SH3KBP1: variants seen among roughly 807,000 people sequenced by gnomAD.
SH3KBP1 encodes SH3 domain containing kinase binding protein 1, also known as SH3 domain-containing kinase-binding protein 1.
Under a neutral mutation model 50.1 loss-of-function variants are expected in SH3KBP1, and 8 were observed. The observed-to-expected ratio is 0.16, with a 90% CI of 0.09 to 0.29. The LOEUF is 0.29. Among genes scored for constraint, SH3KBP1 ranks in the 10% least tolerant of loss-of-function variants. The pLI, the probability that SH3KBP1 is intolerant of heterozygous loss-of-function variation, is 1.00. For missense variants in SH3KBP1, 377 were observed against 535.2 expected, an observed-to-expected ratio of 0.70 and a Z score of 2.92; for synonymous variants, 227 against 218.6, an observed-to-expected ratio of 1.04 and a Z score of -0.34.
At chrX:19,629,415 G>T (rs1014617857) in intron 8 of SH3KBP1, among the ~76,000 whole-genome samples, 1 of 111,769 alleles carries the variant, frequency 8.9e-6, no homozygotes, top group African/African-American at 3.3e-5. Context: ...AAAAAGAAGG[G>T]GCTGAGGTGC....
At chrX:19,881,202 G>A (rs963853491) in intron 1 of SH3KBP1, among the ~76,000 whole-genome samples, 1 of 111,872 alleles carries the variant, frequency 8.9e-6, no homozygotes, top group African/African-American at 3.3e-5. Flanking sequence ...GGTGGCTGCC[G>A]AGCTTCACGA....
At chrX:19,714,706 T>C (rs1200602494) in intron 3 of SH3KBP1, among the ~76,000 whole-genome samples, 1 of 112,103 alleles carries the variant, frequency 8.9e-6, no homozygotes, top group Non-Finnish European at 1.9e-5. Context: ...AGAATTATTC[T>C]AGATTTAAAA....
intron 8 of SH3KBP1, among the ~76,000 whole-genome samples, chrX:19,627,494 C>T (rs1403071462): frequency 2.7e-5 from 3 of 112,349 alleles, no homozygotes; most frequent in African/African-American, 9.7e-5. Flanking sequence ...TTTTGAGTGA[C>T]TGGAAATAAA....
chrX:19,621,064 C>CTT (rs2067805739), intron 8 of SH3KBP1, among the ~76,000 whole-genome samples: 1 of 47,423 alleles, frequency 2.1e-5, no homozygotes, highest in Non-Finnish European at 4.0e-5. Flanking sequence ...AATACCATTT[C>CTT]TTTTCTTTCT....
At chrX:19,780,875 C>T in intron 2 of SH3KBP1, among the ~76,000 whole-genome samples, 1 of 112,150 alleles carries the variant, frequency 8.9e-6, no homozygotes, top group Non-Finnish European at 1.9e-5. Context: ...TCAGTATTTA[C>T]ATATGCACTT....
chrX:19,859,825 C>T (rs1352425237), intron 1 of SH3KBP1, among the ~76,000 whole-genome samples: 1 of 111,051 alleles, frequency 9.0e-6, no homozygotes, highest in African/African-American at 3.3e-5. Flanking sequence ...TCTCTGAGTC[C>T]ACTTGCCATC....
At chrX:19,729,237 G>A (rs1188265638) in intron 3 of SH3KBP1, among the ~76,000 whole-genome samples, 6 of 113,032 alleles carry the variant, frequency 5.3e-5, no homozygotes, top group Admixed American at 9.3e-5. Context: ...GTGTGGTTTC[G>A]TTTTCTTTGT....
chrX:19,584,227 A>C (rs2147942463), intron 12 of SH3KBP1, among the ~76,000 whole-genome samples: 1 of 91,336 alleles, frequency 1.1e-5, no homozygotes, highest in South Asian at 4.4e-4. Context: ...TATATTTATA[A>C]ATATATATAA....
Position 19,536,501 on chromosome X carries a change from C to T in SH3KBP1, c.1957-43G>A, listed in dbSNP as rs1194422773. The T allele has an allele frequency of 4.4e-6, 4 of 910,221 alleles. 1 individual carries two copies. Among genetic ancestry groups the T allele is most frequent in the East Asian group, 6.4e-5 (2 of 31,091 alleles). The allele number at this position is 910,221 out of a possible 1,213,427, so 75.0% of individuals were successfully genotyped here. A position where few individuals can be genotyped will look rare whatever the true frequency, so the allele number is the denominator to read the frequency against. On this transcript the variant is annotated intron_variant, in intron 17 of 17. Transcript: ENST00000397821. The stretch of plus-strand genomic sequence containing the variant: ...AGAATGGAACAAAGTCATAATGAAT[C>T]GGCTGGTTTTATAGAAGCTGAAAGA...
rs574993623 is a variant in SH3KBP1 at position 19,544,602 on chromosome X, A to G, written c.1623+1320T>C. 5.9e-4 allele frequency among the ~76,000 whole-genome samples: 66 copies of G among 111,475 alleles called. 1 individual carries two copies. In the South Asian group the frequency reaches 0.025, roughly 41 times the overall value. On this transcript the variant is annotated intron_variant, in intron 15 of 17. Coordinates refer to ENST00000397821, the MANE Select transcript of SH3KBP1 (RefSeq NM_031892.3). ...CATCCTGCATCCTTGCGGACCTCCC[A>G]TACTCCTGTGACCCACCAGTGCCTT...
intron 11 of SH3KBP1, among the ~76,000 whole-genome samples, chrX:19,589,188 C>A (rs1199767249): frequency 1.8e-5 from 2 of 112,796 alleles, no homozygotes. Flanking sequence ...TACAAACACG[C>A]TCAGACACTT....
At chrX:19,792,717 G>T (rs1486207439) in intron 2 of SH3KBP1, among the ~76,000 whole-genome samples, 1 of 99,232 alleles carries the variant, frequency 1.0e-5, no homozygotes, top group Non-Finnish European at 2.0e-5. Context: ...GCCCCAGCAA[G>T]GGACATTTGG....
chrX:19,623,042 CA>C (rs773914815), intron 8 of SH3KBP1, among the ~76,000 whole-genome samples: 1,302 of 22,257 alleles, frequency 0.058, 22 homozygotes, highest in African/African-American at 0.17. Flanking sequence ...CACTCTGACT[CA>C]AAAAAAAAAA....
At chrX:19,621,024 T>TTC (rs1314281500) in intron 8 of SH3KBP1, among the ~76,000 whole-genome samples, 6 of 107,668 alleles carry the variant, frequency 5.6e-5, no homozygotes, top group African/African-American at 2.0e-4. Flanking sequence ...TTTTTTTTTT[T>TTC]TTTTCTGCCT....
chrX:19,795,920 G>A (rs950889547), intron 2 of SH3KBP1, among the ~76,000 whole-genome samples: 3 of 111,929 alleles, frequency 2.7e-5, no homozygotes, highest in African/African-American at 9.8e-5. Flanking sequence ...CTTACACCAT[G>A]TAAACCTCTA....
intron 2 of SH3KBP1, among the ~76,000 whole-genome samples, chrX:19,752,839 T>C (rs949038220): frequency 8.9e-6 from 1 of 112,294 alleles, no homozygotes; most frequent in Admixed American, 9.4e-5. Flanking sequence ...GGTATTTTAA[T>C]GTTCATCTCA....
intron 3 of SH3KBP1, among the ~76,000 whole-genome samples, chrX:19,714,479 T>C (rs975202794): frequency 6.5e-4 from 70 of 108,166 alleles, no homozygotes; most frequent in Admixed American, 9.0e-4. Flanking sequence ...TACACCTATG[T>C]ACCTACAAAA....
chrX:19,674,580 G>T (rs899191732), intron 6 of SH3KBP1, among the ~76,000 whole-genome samples: 1 of 112,015 alleles, frequency 8.9e-6, no homozygotes, highest in Non-Finnish European at 1.9e-5. Context: ...CATTCATCCA[G>T]TCCACAAATA....
chrX:19,821,505 CT>C (rs907985654), intron 2 of SH3KBP1, among the ~76,000 whole-genome samples: 3 of 111,806 alleles, frequency 2.7e-5, no homozygotes, highest in Non-Finnish European at 5.6e-5. Context: ...AAAGTTTCTT[CT>C]GTTACCATTT....
Sources: gnomAD v4.1 joint callset for allele counts (sites outside exome capture counted in the v4.1 genomes callset) on GRCh38, gnomAD v4.1.1 for gene constraint, MANE v1.5 for transcripts, NCBI Gene and HGNC (gene_info 2026-07-23, HGNC 2026-07-21) for gene names.